The following TCF7L2 variants were observed in gnomAD, a reference collection of about 807,000 sequenced individuals.
The protein encoded by TCF7L2 is transcription factor 7-like 2.
Under a neutral mutation model 77.9 loss-of-function variants are expected in TCF7L2, and 23 were observed. The ratio of observed to expected loss-of-function variants is 0.30; its 90% CI spans 0.21 to 0.42. TCF7L2 has a LOEUF of 0.42. Ranked by LOEUF, TCF7L2 falls within the 10% of genes least tolerant of loss-of-function variation. The pLI, the probability that TCF7L2 is intolerant of heterozygous loss-of-function variation, is 1.00. For missense variants in TCF7L2, 654 were observed against 793.1 expected (o/e 0.82, Z 2.11); for synonymous variants, 413 against 340.2 (o/e 1.21, Z -2.36).
intron 4 of TCF7L2, among the ~76,000 whole-genome samples, chr10:113,000,979 G>GT (rs1203270821): frequency 6.6e-6 from 1 of 152,174 alleles, no homozygotes; most frequent in Non-Finnish European, 1.5e-5. Context: ...TGTGAACAGG[G>GT]TTTTGACAAA....
intron 5 of TCF7L2, among the ~76,000 whole-genome samples, chr10:113,061,272 C>A (rs2056398412): frequency 6.6e-6 from 1 of 152,024 alleles, no homozygotes; most frequent in Non-Finnish European, 1.5e-5. Context: ...TTTTTTTGGT[C>A]ATTTTGCAAA....
At chr10:113,113,554 G>A (rs1265957049) in intron 5 of TCF7L2, among the ~76,000 whole-genome samples, 3 of 152,162 alleles carry the variant, frequency 2.0e-5, no homozygotes, top group East Asian at 1.9e-4. Flanking sequence ...GAGATGTGAG[G>A]CATTTCTTAG....
At chr10:113,130,662 A>T (rs1402540044) in intron 5 of TCF7L2, among the ~76,000 whole-genome samples, 1 of 152,200 alleles carries the variant, frequency 6.6e-6, no homozygotes, top group African/African-American at 2.4e-5. Context: ...TGTGCTGTTA[A>T]TGATTAGGGA....
At chr10:113,146,216 C>A in intron 8 of TCF7L2, 119 bp downstream of exon 8, 1 of 924,342 alleles carries the variant, frequency 1.1e-6, no homozygotes. Flanking sequence ...TAGTGTAAAG[C>A]CAATGTGGCA....
intron 4 of TCF7L2, among the ~76,000 whole-genome samples, chr10:113,015,735 C>T (rs1166899838): frequency 6.6e-6 from 1 of 152,158 alleles, no homozygotes; most frequent in Non-Finnish European, 1.5e-5. Context: ...CAAAGGTTCA[C>T]ACCTTGGCCT....
At chr10:113,007,212 G>A (rs916317422) in intron 4 of TCF7L2, among the ~76,000 whole-genome samples, 2 of 152,302 alleles carry the variant, frequency 1.3e-5, no homozygotes, top group African/African-American at 2.4e-5. Context: ...GTGTGGGGGC[G>A]TGTGATGCCT....
At chr10:112,957,051 A>G (rs1316741437) in intron 3 of TCF7L2, among the ~76,000 whole-genome samples, 1 of 152,166 alleles carries the variant, frequency 6.6e-6, no homozygotes, top group Admixed American at 6.5e-5. Flanking sequence ...GAGCACTTTC[A>G]GGAATGGAAA....
chr10:113,096,125 G>A (rs1389164427), intron 5 of TCF7L2, among the ~76,000 whole-genome samples: 1 of 152,146 alleles, frequency 6.6e-6, no homozygotes, highest in Non-Finnish European at 1.5e-5. Flanking sequence ...TCCATATAGG[G>A]TTTCCCATAT....
chr10:113,150,897 T>C (rs1476500049), intron 8 of TCF7L2, 101 bp from the exon 9 acceptor site: 2 of 1,499,040 alleles, frequency 1.3e-6, no homozygotes, highest in Non-Finnish European at 9.0e-7. Context: ...TTCATGTGAG[T>C]GTTACGTGCT....
chr10:112,970,196 G>A (rs911932396), intron 4 of TCF7L2, among the ~76,000 whole-genome samples: 3 of 151,988 alleles, frequency 2.0e-5, no homozygotes, highest in Non-Finnish European at 4.4e-5. Context: ...GCATGTGCGC[G>A]CTTGTGCGTC....
intron 5 of TCF7L2, among the ~76,000 whole-genome samples, chr10:113,053,880 T>G (rs1175873756): frequency 6.6e-6 from 1 of 152,206 alleles, no homozygotes; most frequent in Non-Finnish European, 1.5e-5. Context: ...GAGGATGACG[T>G]ACTCAAGGTC....
intron 5 of TCF7L2, among the ~76,000 whole-genome samples, chr10:113,083,773 T>A (rs1343262464): frequency 6.6e-6 from 1 of 152,206 alleles, no homozygotes; most frequent in African/African-American, 2.4e-5. Context: ...AGTACTTTGC[T>A]TTTTTAGTGG....
intron 5 of TCF7L2, among the ~76,000 whole-genome samples, chr10:113,050,772 C>T (rs2054282716): frequency 6.6e-6 from 1 of 152,168 alleles, no homozygotes; most frequent in Non-Finnish European, 1.5e-5. Flanking sequence ...TGACAGAGGC[C>T]ATCTCCATTT....
chr10:113,042,306 C>A (rs1300248120), intron 5 of TCF7L2, among the ~76,000 whole-genome samples: 1 of 152,114 alleles, frequency 6.6e-6, no homozygotes, highest in African/African-American at 2.4e-5. Flanking sequence ...GGCATACACA[C>A]CCTCTTGTAG....
chr10:112,979,865 C>T (rs541585706), intron 4 of TCF7L2, among the ~76,000 whole-genome samples: 34 of 152,204 alleles, frequency 2.2e-4, no homozygotes, highest in Non-Finnish European at 3.7e-4. Flanking sequence ...GTAGAATGTA[C>T]GTAAAATACT....
At chr10:113,076,559 C>T (rs528872786) in intron 5 of TCF7L2, among the ~76,000 whole-genome samples, 1 of 152,310 alleles carries the variant, frequency 6.6e-6, no homozygotes, top group Non-Finnish European at 1.5e-5. Context: ...GGATTATTCA[C>T]ATTTTCTTTC....
intron 5 of TCF7L2, among the ~76,000 whole-genome samples, chr10:113,085,691 T>TGA (rs2059766696): frequency 1.3e-5 from 2 of 152,186 alleles, no homozygotes; most frequent in South Asian, 2.1e-4. Flanking sequence ...TAGCACACAT[T>TGA]GACATCAGGG....
At chr10:113,098,275 T>C (rs949525009) in intron 5 of TCF7L2, among the ~76,000 whole-genome samples, 4 of 152,088 alleles carry the variant, frequency 2.6e-5, no homozygotes, top group Non-Finnish European at 5.9e-5. Context: ...AGGTCTCCGT[T>C]GGGGCTTTCC....
At chr10:113,121,632 A>G (rs2064790564) in intron 5 of TCF7L2, among the ~76,000 whole-genome samples, 1 of 152,148 alleles carries the variant, frequency 6.6e-6, no homozygotes, top group Admixed American at 6.5e-5. Flanking sequence ...AAATTTTATG[A>G]TTAGAGTAGT....
Sources: allele counts gnomAD v4.1 joint callset (sites outside exome capture counted in the v4.1 genomes callset), GRCh38; gene constraint gnomAD v4.1.1; transcripts MANE v1.5; gene names NCBI Gene and HGNC (gene_info 2026-07-23, HGNC 2026-07-21).